Variants in DOCK9 observed in about 807,000 individuals in gnomAD.
DOCK9 encodes the protein dedicator of cytokinesis 9, also known as dedicator of cytokinesis protein 9.
In DOCK9, 89 loss-of-function variants were observed where a neutral mutation model predicts 263.3. The observed-to-expected ratio is 0.34, with a 90% CI of 0.28 to 0.40. DOCK9 has a LOEUF of 0.40. Among genes scored for constraint, DOCK9 ranks in the 10% least tolerant of loss-of-function variants. DOCK9 has a pLI of 1.00. For missense variants in DOCK9, 2,140 were observed against 2,603.4 expected, an observed-to-expected ratio of 0.82 and a Z score of 3.87; for synonymous variants, 976 against 973.1, an observed-to-expected ratio of 1.00 and a Z score of -0.06.
At chr13:99,063,610 A>G (rs1025592556) in intron 1 of DOCK9, among the ~76,000 whole-genome samples, 2 of 152,162 alleles carry the variant, frequency 1.3e-5, no homozygotes, top group African/African-American at 2.4e-5. Flanking sequence ...CTACAACAGG[A>G]CCTCTCAAAC....
chr13:98,995,241 G>A (rs1005736668), intron 1 of DOCK9, among the ~76,000 whole-genome samples: 8 of 152,102 alleles, frequency 5.3e-5, no homozygotes, highest in East Asian at 1.9e-4. Context: ...CTGGGGTGTC[G>A]TGTGAAGTAA....
intron 1 of DOCK9, chr13:99,015,764 A>T: frequency 1.5e-6 from 2 of 1,325,198 alleles, no homozygotes; most frequent in South Asian, 4.6e-5. Flanking sequence ...CCGTACTAGA[A>T]TCCGCTCCTG....
chr13:99,025,009 A>G (rs1886550371), intron 1 of DOCK9, among the ~76,000 whole-genome samples: 1 of 152,234 alleles, frequency 6.6e-6, no homozygotes, highest in South Asian at 2.1e-4. Flanking sequence ...TCACAAAGAC[A>G]CAAAATTCTG....
At chr13:98,806,259 T>C (rs1296811449) in intron 48 of DOCK9, among the ~76,000 whole-genome samples, 2 of 152,238 alleles carry the variant, frequency 1.3e-5, no homozygotes, top group African/African-American at 4.8e-5. Flanking sequence ...ATAAATTTAG[T>C]TTCTATTTAA....
intron 47 of DOCK9, chr13:98,808,824 A>T (rs2091001068): frequency 5.9e-6 from 4 of 676,396 alleles, no homozygotes; most frequent in Admixed American, 3.1e-5. Flanking sequence ...AAATTTAGAT[A>T]AACCCTTTCC....
At chr13:98,956,477 G>A (rs2058076169) in intron 1 of DOCK9, among the ~76,000 whole-genome samples, 1 of 152,198 alleles carries the variant, frequency 6.6e-6, no homozygotes, top group Admixed American at 6.5e-5. Context: ...GGCAGGCGTG[G>A]TGGCTCACAC....
At chr13:98,939,715 CCTCA>C (rs1378328615) in intron 2 of DOCK9, among the ~76,000 whole-genome samples, 2 of 152,212 alleles carry the variant, frequency 1.3e-5, no homozygotes, top group Non-Finnish European at 2.9e-5. Context: ...GGCCCATCTC[CCTCA>C]CTGAGTTAAC....
intron 49 of DOCK9, among the ~76,000 whole-genome samples, chr13:98,803,199 T>C (rs1277312212): frequency 3.9e-5 from 6 of 152,126 alleles, no homozygotes; most frequent in Non-Finnish European, 5.9e-5. Context: ...GCACTCTCTG[T>C]CCCCTTGTTC....
intron 35 of DOCK9, among the ~76,000 whole-genome samples, chr13:98,850,461 CTT>C (rs1333603978): frequency 6.6e-6 from 1 of 152,242 alleles, no homozygotes; most frequent in East Asian, 1.9e-4. Context: ...GCCGGGCTCT[CTT>C]GTCTCCTACT....
intron 1 of DOCK9, among the ~76,000 whole-genome samples, chr13:98,966,506 C>T (rs2059212193): frequency 6.6e-6 from 1 of 152,176 alleles, no homozygotes; most frequent in South Asian, 2.1e-4. Flanking sequence ...GTAGACTCTT[C>T]CAGGCATTTT....
chr13:99,025,694 T>C (rs992563265), intron 1 of DOCK9, among the ~76,000 whole-genome samples: 3 of 152,232 alleles, frequency 2.0e-5, no homozygotes, highest in Non-Finnish European at 4.4e-5. Flanking sequence ...GCAATTCCAC[T>C]CCTAGATGCC....
chr13:98,847,763 A>G (rs2093433010), intron 37 of DOCK9: 1 of 152,208 alleles, frequency 6.6e-6, no homozygotes, highest in South Asian at 2.1e-4. Flanking sequence ...ACTTATAATA[A>G]AGCTGTTAAA....
intron 1 of DOCK9, among the ~76,000 whole-genome samples, chr13:99,008,359 G>C (rs1385169441): frequency 6.6e-6 from 1 of 151,150 alleles, no homozygotes; most frequent in Non-Finnish European, 1.5e-5. Context: ...TCAGCCTCCC[G>C]AGTAGCTGGG....
rs1371736371 is a variant in DOCK9, at chr13:98,855,924, T to C, written c.3805A>G (p.Ser1269Gly). Reference protein sequence around the residue: ...DSGNSLPERNSEKSNSLDKHQ... With the variant: ...DSGNSLPERNGEKSNSLDKHQ... Reference sequence around the variant, plus strand: ...TTATCCAGGGAATTGCTCTTCTCACTATTCCTTTCTGGAAGGCTGTTACCC... The same window carrying C: ...TTATCCAGGGAATTGCTCTTCTCACCATTCCTTTCTGGAAGGCTGTTACCC... Residue 1269 changes from serine to glycine, a missense_variant, in exon 34 of 53, where the codon AGT becomes GGT. Transcript: ENST00000682017. 6.2e-7 allele frequency: 1 copy of C among 1,614,036 alleles called. No homozygotes were observed.
At chr13:98,993,658 G>A (rs1458474827) in intron 1 of DOCK9, among the ~76,000 whole-genome samples, 1 of 152,166 alleles carries the variant, frequency 6.6e-6, no homozygotes, top group African/African-American at 2.4e-5. Flanking sequence ...GGAGAATGGC[G>A]TGAACCCGGG....
chr13:99,057,688 A>T (rs1183032053), intron 1 of DOCK9, among the ~76,000 whole-genome samples: 6 of 152,254 alleles, frequency 3.9e-5, no homozygotes, highest in Non-Finnish European at 8.8e-5. Flanking sequence ...GAACAGCTTC[A>T]AAGCTGTTTG....
intron 49 of DOCK9, among the ~76,000 whole-genome samples, chr13:98,803,058 A>G (rs1289318): frequency 0.96 from 146,676 of 152,258 alleles, 70,887 homozygotes; most frequent in East Asian, 1. Flanking sequence ...AGGTCACACA[A>G]TGAGGCTGTG....
At chr13:98,875,842 A>G (rs2043740924) in intron 27 of DOCK9, among the ~76,000 whole-genome samples, 1 of 152,246 alleles carries the variant, frequency 6.6e-6, no homozygotes, top group African/African-American at 2.4e-5. Context: ...TTTAGATGCT[A>G]GTTCGAAGGG....
In DOCK9 at chr13:98,922,182, C is replaced by G. The variant is rs201035239; in HGVS notation, c.487-36G>C. The G allele has an allele frequency of 4.0e-6, 6 of 1,490,898 alleles. No individual in the cohort carries two copies. The East Asian group carries it at 1.2e-4, about 30-fold the overall frequency. 92.4% of individuals were successfully genotyped at this position (1,490,898 alleles called of 1,614,324 possible). A position where few individuals can be genotyped will look rare whatever the true frequency, so the allele number is the denominator to read the frequency against. Reference sequence around the variant, plus strand: ...AGGAAAACACCAGCAGTCAACCTCCCGTTATTACCTGGGTTGCTTGCTGTG... The same window carrying G: ...AGGAAAACACCAGCAGTCAACCTCCGGTTATTACCTGGGTTGCTTGCTGTG... On this transcript the variant is annotated intron_variant, in intron 5 of 52. Coordinates refer to ENST00000682017, the MANE Select transcript of DOCK9 (RefSeq NM_001366683.2).
Sources: gnomAD v4.1 joint callset for allele counts (sites outside exome capture counted in the v4.1 genomes callset) on GRCh38, gnomAD v4.1.1 for gene constraint, MANE v1.5 for transcripts, NCBI Gene and HGNC (gene_info 2026-07-23, HGNC 2026-07-21) for gene names.